Variants in SLC35F1 observed in about 807,000 individuals in gnomAD.
SLC35F1 encodes the protein chromosome 6 open reading frame 169.
SLC35F1 carries 14 observed loss-of-function variants against 48.7 expected under a neutral mutation model. The ratio of observed to expected loss-of-function variants is 0.29; its 90% CI spans 0.19 to 0.45. SLC35F1 has a LOEUF of 0.45. Ranked by LOEUF, SLC35F1 falls within the 20% of genes least tolerant of loss-of-function variation. The pLI is 1.00. For synonymous variants in SLC35F1, 190 were observed against 202.2 expected (o/e 0.94, Z 0.51); for missense variants, 404 against 500.0 (o/e 0.81, Z 1.83).
At chr6:118,276,543 C>T (rs992979227) in intron 5 of SLC35F1, among the ~76,000 whole-genome samples, 1 of 152,150 alleles carries the variant, frequency 6.6e-6, no homozygotes, top group African/African-American at 2.4e-5. Flanking sequence ...AAAAACTTCA[C>T]AGCAAACAAG....
chr6:117,971,835 G>C (rs1389676384), intron 1 of SLC35F1, among the ~76,000 whole-genome samples: 1 of 152,160 alleles, frequency 6.6e-6, no homozygotes, highest in Admixed American at 6.5e-5. Flanking sequence ...CCCTGGGCCT[G>C]GCCCAGGAAA....
intron 1 of SLC35F1, among the ~76,000 whole-genome samples, chr6:118,056,569 T>C (rs1326328185): frequency 1.3e-5 from 2 of 152,206 alleles, no homozygotes; most frequent in Non-Finnish European, 2.9e-5. Flanking sequence ...AAAGGCTTGA[T>C]AGAGGCCAGA....
intron 3 of SLC35F1, among the ~76,000 whole-genome samples, chr6:118,236,285 A>G (rs894237113): frequency 1.3e-5 from 2 of 152,120 alleles, no homozygotes; most frequent in Non-Finnish European, 2.9e-5. Context: ...TTCGCTTTTC[A>G]CAATTTTTGA....
At chr6:118,014,032 T>TA (rs942373204) in intron 1 of SLC35F1, among the ~76,000 whole-genome samples, 7 of 152,188 alleles carry the variant, frequency 4.6e-5, no homozygotes, top group African/African-American at 1.4e-4. Flanking sequence ...TACATAGTGG[T>TA]AAAAAAGGAC....
intron 1 of SLC35F1, among the ~76,000 whole-genome samples, chr6:118,021,196 A>G (rs1345482870): frequency 2.6e-5 from 4 of 152,194 alleles, no homozygotes; most frequent in African/African-American, 9.6e-5. Context: ...AGGGCAGATC[A>G]GAGACATCTT....
intron 1 of SLC35F1, among the ~76,000 whole-genome samples, chr6:117,977,875 A>T (rs1025587237): frequency 1.3e-4 from 20 of 152,148 alleles, no homozygotes; most frequent in Non-Finnish European, 1.5e-5. Context: ...TCAGAGGCAG[A>T]GGCTTAAATT....
intron 7 of SLC35F1, among the ~76,000 whole-genome samples, chr6:118,304,796 G>T (rs1166418484): frequency 6.6e-6 from 1 of 151,370 alleles, no homozygotes; most frequent in African/African-American, 2.4e-5. Flanking sequence ...CTGATGAGTG[G>T]CCTGAGGCTT....
intron 1 of SLC35F1, among the ~76,000 whole-genome samples, chr6:118,001,392 G>A (rs1036388876): frequency 5.3e-5 from 8 of 152,300 alleles, no homozygotes; most frequent in Non-Finnish European, 1.0e-4. Flanking sequence ...AAACTGGCTA[G>A]CCATATGTAG....
chr6:118,048,762 C>A (rs1772338641), intron 1 of SLC35F1, among the ~76,000 whole-genome samples: 1 of 152,172 alleles, frequency 6.6e-6, no homozygotes, highest in South Asian at 2.1e-4. Context: ...TAGGAAGAAT[C>A]AATATCGTGA....
chr6:118,154,174 A>G (rs1464333439), intron 1 of SLC35F1, among the ~76,000 whole-genome samples: 2 of 152,084 alleles, frequency 1.3e-5, no homozygotes, highest in Admixed American at 6.5e-5. Flanking sequence ...GCTCTTTCGG[A>G]GAGATTTGGT....
Position 117,979,892 on chromosome 6 carries a change from C to A in SLC35F1, c.173+71993C>A, listed in dbSNP as rs79587733. On this transcript the variant is annotated intron_variant, in intron 1 of 7. Coordinates refer to ENST00000360388, the MANE Select transcript of SLC35F1 (RefSeq NM_001029858.4). The stretch of plus-strand genomic sequence containing the variant: ...TGATGGGATGATGGAGCACTTTGTA[C>A]ATCTCATCAGGAGTATCTGATTCAT... Among the ~76,000 whole-genome samples the A allele has an allele frequency of 5.3e-3, 814 of 152,290 alleles. 6 individuals are homozygous for A. Among genetic ancestry groups the A allele is most frequent in the African/African-American group, 0.019 (774 of 41,552 alleles).
intron 7 of SLC35F1, among the ~76,000 whole-genome samples, chr6:118,308,448 A>G (rs1033745232): frequency 5.3e-5 from 8 of 152,152 alleles, no homozygotes; most frequent in African/African-American, 1.9e-4. Context: ...AATTCTCCCT[A>G]CTAGCTCCGA....
chr6:117,960,269 A>C (rs1052787659), intron 1 of SLC35F1, among the ~76,000 whole-genome samples: 5 of 151,400 alleles, frequency 3.3e-5, no homozygotes, highest in South Asian at 2.1e-4. Flanking sequence ...TCTAAACTGT[A>C]TAAACTGTAT....
chr6:118,285,800 T>A (rs1168696328), intron 7 of SLC35F1, among the ~76,000 whole-genome samples: 1 of 152,220 alleles, frequency 6.6e-6, no homozygotes, highest in East Asian at 1.9e-4. Flanking sequence ...TGGAAAATGC[T>A]AATGCACTAG....
At chr6:118,311,142 C>G (rs976811765) in intron 7 of SLC35F1, among the ~76,000 whole-genome samples, 2 of 152,164 alleles carry the variant, frequency 1.3e-5, no homozygotes, top group African/African-American at 4.8e-5. Context: ...ATTGTCTCTT[C>G]CAATTCATTG....
intron 1 of SLC35F1, among the ~76,000 whole-genome samples, chr6:118,050,341 T>A (rs1161563227): frequency 1.3e-5 from 2 of 149,978 alleles, no homozygotes; most frequent in African/African-American, 2.5e-5. Flanking sequence ...ATTGTGCGCA[T>A]GTACCCTAAA....
intron 2 of SLC35F1, among the ~76,000 whole-genome samples, chr6:118,212,761 AGGAAGGAAG>A: frequency 6.9e-6 from 1 of 144,224 alleles, no homozygotes; most frequent in East Asian, 2.0e-4. Context: ...GAAGGAAGGA[AGGAAGGAAG>A]GAAGGAAGGA....
intron 1 of SLC35F1, among the ~76,000 whole-genome samples, chr6:118,008,043 T>A (rs1316194859): frequency 6.6e-6 from 1 of 152,108 alleles, no homozygotes; most frequent in East Asian, 1.9e-4. Context: ...AACACATGGA[T>A]ATTTGCTCTT....
intron 1 of SLC35F1, among the ~76,000 whole-genome samples, chr6:117,936,359 G>A (rs1431721611): frequency 6.6e-6 from 1 of 152,196 alleles, no homozygotes; most frequent in Non-Finnish European, 1.5e-5. Context: ...TAGGATTATA[G>A]AAGGTGTGAG....
Sources: gnomAD v4.1 joint callset for allele counts (sites outside exome capture counted in the v4.1 genomes callset) on GRCh38, gnomAD v4.1.1 for gene constraint, MANE v1.5 for transcripts, NCBI Gene and HGNC (gene_info 2026-07-23, HGNC 2026-07-21) for gene names.